Variants in APOL3 observed in about 807,000 individuals in gnomAD.
APOL3 encodes TNF-inducible protein CG12-1.
A neutral mutation model predicts 11.6 loss-of-function variants in APOL3; 14 were observed. The observed-to-expected ratio is 1.21, with a 90% CI of 0.80 to 1.89. APOL3 has a LOEUF of 1.89. Among genes scored for constraint, APOL3 ranks in the 40% most tolerant of loss-of-function variants. The pLI is 0.00. For synonymous variants in APOL3, 192 were observed against 190.6 expected, an observed-to-expected ratio of 1.01 and a Z score of -0.06; for missense variants, 483 against 492.1, an observed-to-expected ratio of 0.98 and a Z score of 0.17.
At chr22:36,143,789 T>C (rs900432246) in intron 2 of APOL3, among the ~76,000 whole-genome samples, 5 of 152,244 alleles carry the variant, frequency 3.3e-5, no homozygotes, top group Non-Finnish European at 7.3e-5. Context: ...AGGTGACAGC[T>C]TCACCTGTGT....
intron 1 of APOL3, among the ~76,000 whole-genome samples, chr22:36,159,869 GCT>G (rs996830696): frequency 1.3e-5 from 2 of 150,752 alleles, no homozygotes; most frequent in South Asian, 2.1e-4. Context: ...ATCTCTTTTC[GCT>G]CTCTCTCTCT....
chr22:36,141,210 T>C, exon 3 of APOL3: 2 of 1,613,220 alleles, frequency 1.2e-6, no homozygotes. Flanking sequence ...TCAGTGGGTA[T>C]GGCATGGATT....
chr22:36,154,132 G>A (rs1410550896), intron 1 of APOL3, among the ~76,000 whole-genome samples: 3 of 152,188 alleles, frequency 2.0e-5, no homozygotes, highest in Non-Finnish European at 4.4e-5. Context: ...AGCCTGTGTT[G>A]ATATTAATGC....
chr22:36,142,091 G>T, intron 2 of APOL3, 33 bp from the exon 4 acceptor site: 1 of 1,556,556 alleles, frequency 6.4e-7, no homozygotes. Flanking sequence ...ATTAAGAAAG[G>T]CAGCTTACTT....
At chr22:36,160,793 G>T in exon 1 of APOL3, 1 of 1,613,980 alleles carries the variant, frequency 6.2e-7, no homozygotes, top group East Asian at 2.2e-5. Flanking sequence ...ATATACCCTG[G>T]AACCCAAAAG....
chr22:36,142,809 C>A (rs1242146502), intron 2 of APOL3, among the ~76,000 whole-genome samples: 1 of 152,164 alleles, frequency 6.6e-6, no homozygotes, highest in African/African-American at 2.4e-5. Flanking sequence ...CTGCTCTGAG[C>A]CTTTTCTCCT....
chr22:36,149,127 G>GC, intron 1 of APOL3: 1 of 1,367,522 alleles, frequency 7.3e-7, no homozygotes, highest in South Asian at 1.1e-5. Context: ...GGAAGGGTTC[G>GC]TTTTTTTTCT....
chr22:36,145,093 G>A (rs919584193), intron 2 of APOL3, among the ~76,000 whole-genome samples: 1 of 151,770 alleles, frequency 6.6e-6, no homozygotes, highest in Admixed American at 6.6e-5. Context: ...TTTTTAAAAG[G>A]TAACATTAAC....
chr22:36,163,176 T>C (rs868044912), upstream of APOL3, among the ~76,000 whole-genome samples: 3 of 152,234 alleles, frequency 2.0e-5, no homozygotes, highest in Middle Eastern at 3.2e-3. Context: ...TGGTTTCTTA[T>C]GCTCTGGCCA....
At position 36,143,725 on chromosome 22, in the gene APOL3, T is replaced by C. The variant is rs1303644578; in HGVS notation, c.351-1667A>G. ...CTTGACGGCCTCCTGACCTGGCACC[T>C]CCAAGCTTCAGGGTCTCACTGTCAC... On this transcript the variant is annotated intron_variant, in intron 2 of 2. Transcript: ENST00000349314. 2.0e-5 allele frequency among the ~76,000 whole-genome samples: 3 copies of C among 152,354 alleles called. No individual in the cohort carries two copies. The East Asian group carries it at 5.8e-4, about 29-fold the overall frequency.
intron 1 of APOL3, among the ~76,000 whole-genome samples, chr22:36,145,860 C>T (rs1404208539): frequency 6.6e-6 from 1 of 151,970 alleles, no homozygotes; most frequent in Admixed American, 6.6e-5. Flanking sequence ...GGGCCCTAAT[C>T]CTACAGGACT....
exon 1 of APOL3, chr22:36,160,892 C>G (rs755360233): frequency 6.2e-7 from 1 of 1,613,132 alleles, no homozygotes; most frequent in Non-Finnish European, 8.5e-7. Context: ...CCAGTCCCAT[C>G]CTTGGTCCAG....
chr22:36,141,579 A>T lies in APOL3; in HGVS notation c.830T>A (p.Leu277Ter). 3 of 1,614,234 alleles carry T rather than the reference A, an allele frequency of 1.9e-6. No homozygotes were observed. Among genetic ancestry groups the T allele is most frequent in the Non-Finnish European group, 2.5e-6 (3 of 1,180,048 alleles). Residue 277 changes from leucine (L) to a stop codon, truncating the protein, a stop_gained, in exon 3 of 3, where the codon TTA (leucine) becomes TAA (stop). Transcript: ENST00000349314. LOFTEE classifies it low-confidence loss of function (END_TRUNC). ...GTAATAATTATTAAGAAGGGAAAGT[A>T]AGTTGGGTGTGATGTCACGCATAAC...
At chr22:36,157,780 T>C (rs1033475763) in intron 1 of APOL3, among the ~76,000 whole-genome samples, 1 of 152,126 alleles carries the variant, frequency 6.6e-6, no homozygotes, top group African/African-American at 2.4e-5. Context: ...CCAGGTGCGG[T>C]GGCTCATACC....
exon 3 of APOL3, chr22:36,141,762 C>G: frequency 6.2e-7 from 1 of 1,614,168 alleles, no homozygotes; most frequent in Non-Finnish European, 8.5e-7. Flanking sequence ...AAGGGCCAGA[C>G]TCGTCCCTGC....
chr22:36,157,256 C>T (rs528653336), intron 1 of APOL3, among the ~76,000 whole-genome samples: 13 of 152,298 alleles, frequency 8.5e-5, no homozygotes, highest in African/African-American at 2.6e-4. Flanking sequence ...CAGCTCCCTC[C>T]GGGTCCATGA....
At chr22:36,150,363 G>T (rs2060387410) in intron 1 of APOL3, among the ~76,000 whole-genome samples, 1 of 152,102 alleles carries the variant, frequency 6.6e-6, no homozygotes, top group African/African-American at 2.4e-5. Flanking sequence ...ACCACTAATT[G>T]CTCTAAGATG....
At chr22:36,154,650 C>T (rs1255303919) in intron 1 of APOL3, 2 of 470,918 alleles carry the variant, frequency 4.2e-6, no homozygotes, top group East Asian at 6.9e-5. Flanking sequence ...AATAATGTCA[C>T]AGAATAGTAA....
At chr22:36,157,359 A>C (rs567647318) in intron 1 of APOL3, among the ~76,000 whole-genome samples, 1 of 152,336 alleles carries the variant, frequency 6.6e-6, no homozygotes, top group Non-Finnish European at 1.5e-5. Flanking sequence ...ATACACACAA[A>C]AAAGTCTTGT....
Sources: allele counts gnomAD v4.1 joint callset (sites outside exome capture counted in the v4.1 genomes callset), GRCh38; gene constraint gnomAD v4.1.1; transcripts MANE v1.5; gene names NCBI Gene and HGNC (gene_info 2026-07-23, HGNC 2026-07-21).